Variants in ANO10 observed in about 807,000 individuals in gnomAD.
ANO10 encodes the protein anoctamin-10.
Under a neutral mutation model 74.7 loss-of-function variants are expected in ANO10, and 77 were observed. The observed-to-expected ratio is 1.03, with a 90% CI of 0.86 to 1.25. The LOEUF is 1.25. Ranked by LOEUF, ANO10 falls within the 50% of genes most tolerant of loss-of-function variation. The probability of loss-of-function intolerance (pLI) is 0.00; values close to 1 mark genes in which losing one functional copy is unlikely to be tolerated. For synonymous variants in ANO10, 279 were observed against 284.9 expected, an observed-to-expected ratio of 0.98 and a Z score of 0.21; for missense variants, 721 against 778.1, an observed-to-expected ratio of 0.93 and a Z score of 0.87.
chr3:43,388,182 C>T (rs1260526042), intron 12 of ANO10, among the ~76,000 whole-genome samples: 1 of 152,170 alleles, frequency 6.6e-6, no homozygotes, highest in Non-Finnish European at 1.5e-5. Context: ...CTAACAACCC[C>T]TGTGTACAGC....
At chr3:43,543,879 T>A (rs1370373524) in intron 11 of ANO10, among the ~76,000 whole-genome samples, 1 of 152,200 alleles carries the variant, frequency 6.6e-6, no homozygotes, top group Non-Finnish European at 1.5e-5. Context: ...AGTAGTTAAC[T>A]CGTCTTCACC....
intron 11 of ANO10, among the ~76,000 whole-genome samples, chr3:43,522,631 T>A (rs185365551): frequency 4.6e-5 from 7 of 152,332 alleles, no homozygotes; most frequent in Non-Finnish European, 1.0e-4. Flanking sequence ...GCAGGGTTTT[T>A]ACTTGCAAGC....
intron 12 of ANO10, among the ~76,000 whole-genome samples, chr3:43,379,870 T>C (rs1057290943): frequency 2.0e-5 from 3 of 152,132 alleles, no homozygotes; most frequent in Non-Finnish European, 4.4e-5. Flanking sequence ...ATTCAGAAGG[T>C]TGACTATTAA....
At chr3:43,538,374 A>G (rs184248466) in intron 11 of ANO10, among the ~76,000 whole-genome samples, 122 of 152,366 alleles carry the variant, frequency 8.0e-4, no homozygotes, top group Middle Eastern at 6.8e-3. Context: ...CTTGCTTGTG[A>G]GTCCAGCTCT....
At chr3:43,565,597 T>A in intron 8 of ANO10, 56 bp downstream of exon 8, 1 of 1,343,490 alleles carries the variant, frequency 7.4e-7, no homozygotes, top group Non-Finnish European at 1.0e-6. Flanking sequence ...CATCTAAAGA[T>A]AGAAAACCAC....
intron 4 of ANO10, among the ~76,000 whole-genome samples, chr3:43,582,441 C>T (rs550097995): frequency 1.2e-4 from 18 of 150,714 alleles, no homozygotes; most frequent in African/African-American, 2.4e-4. Flanking sequence ...AGCGAGACTC[C>T]GTCTCAAAAA....
intron 1 of ANO10, among the ~76,000 whole-genome samples, chr3:43,619,728 G>A (rs972112255): frequency 4.6e-5 from 7 of 151,704 alleles, no homozygotes; most frequent in Non-Finnish European, 8.8e-5. Flanking sequence ...AGCTGGATAC[G>A]GTGAAGCTCT....
rs559188347 is a variant in ANO10 at position 43,486,227 on chromosome 3, A to G, written c.1798-53500T>C. ...AGCTATGAGGCTTCATGTACATAAC[A>G]AGGCCACTTTTGCTAGTCAAGCCTC... On this transcript the variant is annotated intron_variant, in intron 11 of 12. Coordinates refer to ENST00000292246, the MANE Select transcript of ANO10 (RefSeq NM_018075.5). Among the ~76,000 whole-genome samples, 19 of 152,350 alleles carry G rather than the reference A, an allele frequency of 1.2e-4. No homozygotes were observed. In the South Asian group the frequency reaches 3.9e-3, roughly 32 times the overall value.
At chr3:43,580,944 A>G (rs577849388) in intron 4 of ANO10, among the ~76,000 whole-genome samples, 132 of 152,302 alleles carry the variant, frequency 8.7e-4, no homozygotes, top group Non-Finnish European at 1.7e-3. Context: ...TAACAATACC[A>G]TAATATTCCC....
At chr3:43,686,880 G>A (rs766327758) in intron 1 of ANO10, among the ~76,000 whole-genome samples, 3 of 152,128 alleles carry the variant, frequency 2.0e-5, no homozygotes, top group Non-Finnish European at 4.4e-5. Flanking sequence ...GCATAACTAG[G>A]AGCTAGTTAG....
At chr3:43,576,656 G>A (rs372441963) in intron 6 of ANO10, 36 bp downstream of exon 6, 11 of 1,600,572 alleles carry the variant, frequency 6.9e-6, no homozygotes, top group Non-Finnish European at 9.4e-6. Flanking sequence ...TTTCTTACAG[G>A]CAAGTAAGAC....
intron 11 of ANO10, chr3:43,485,995 T>G: frequency 3.9e-6 from 1 of 258,126 alleles, no homozygotes; most frequent in Non-Finnish European, 7.6e-6. Context: ...CCTTGACACA[T>G]TTTGAAATGG....
At chr3:43,668,034 A>G (rs1254931423) in intron 1 of ANO10, among the ~76,000 whole-genome samples, 1 of 152,176 alleles carries the variant, frequency 6.6e-6, no homozygotes, top group Non-Finnish European at 1.5e-5. Flanking sequence ...AGTTGTACTA[A>G]TTTACATTCC....
At chr3:43,690,706 T>A (rs1203543272) in intron 1 of ANO10, 1 of 391,772 alleles carries the variant, frequency 2.6e-6, no homozygotes, top group African/African-American at 2.1e-5. Flanking sequence ...ACCTAACTCA[T>A]TCGGGTGAGT....
chr3:43,622,434 G>T (rs984784164), upstream of ANO10, among the ~76,000 whole-genome samples: 17 of 152,172 alleles, frequency 1.1e-4, 1 homozygote, highest in African/African-American at 3.9e-4. Flanking sequence ...AAAGGAATAC[G>T]CCCCTTCACA....
chr3:43,561,544 T>C lies in ANO10; in HGVS notation c.1294-142A>G. On this transcript the variant is annotated intron_variant, in intron 8 of 12. Coordinates refer to ENST00000292246, the MANE Select transcript of ANO10 (RefSeq NM_018075.5). ...CAAATAAAATGGAATCTTCAATAAA[T>C]AGCATACTATTGTGTTATAAAAACT... 8.9e-6 allele frequency: 7 copies of C among 784,592 alleles called. 1 individual carries two copies. In the South Asian group the frequency reaches 1.3e-4, roughly 14 times the overall value. 48.6% of individuals were successfully genotyped at this position (784,592 alleles called of 1,614,324 possible).
intron 10 of ANO10, chr3:43,551,479 A>C (rs1346619328): frequency 2.2e-6 from 1 of 455,570 alleles, no homozygotes; most frequent in African/African-American, 2.0e-5. Flanking sequence ...TACCTGTGAA[A>C]CCACCACCAC....
At chr3:43,472,479 A>G (rs746050402) in intron 11 of ANO10, 3 of 152,084 alleles carry the variant, frequency 2.0e-5, no homozygotes, top group Non-Finnish European at 4.4e-5. Flanking sequence ...ACCAAAAAAG[A>G]GGGTCTGAAG....
At chr3:43,491,560 A>G (rs954505699) in intron 11 of ANO10, among the ~76,000 whole-genome samples, 3 of 151,782 alleles carry the variant, frequency 2.0e-5, no homozygotes, top group African/African-American at 7.3e-5. Context: ...CAAACTGCAC[A>G]CTCCATCTCA....
Sources: allele counts gnomAD v4.1 joint callset (sites outside exome capture counted in the v4.1 genomes callset), GRCh38; gene constraint gnomAD v4.1.1; transcripts MANE v1.5; gene names NCBI Gene and HGNC (gene_info 2026-07-23, HGNC 2026-07-21).